COBLL1: variants seen among roughly 807,000 people sequenced by gnomAD.
The protein encoded by COBLL1 is cordon-bleu protein-like 1.
Under a neutral mutation model 94.8 loss-of-function variants are expected in COBLL1, and 50 were observed. That is an observed-to-expected ratio of 0.53 (90% CI 0.42 to 0.67). The LOEUF is 0.67. Ranked by LOEUF, COBLL1 falls within the 30% of genes least tolerant of loss-of-function variation. The pLI is 0.00. For synonymous variants in COBLL1, 448 were observed against 473.8 expected (o/e 0.95, Z 0.71); for missense variants, 1,362 against 1,348.7 (o/e 1.01, Z -0.15).
intron 1 of COBLL1, among the ~76,000 whole-genome samples, chr2:164,673,273 C>T (rs953245402): frequency 8.6e-5 from 13 of 152,000 alleles, no homozygotes; most frequent in Admixed American, 4.6e-4. Context: ...TTCACCTCTA[C>T]GGAAAGAATA....
intron 2 of COBLL1, among the ~76,000 whole-genome samples, chr2:164,796,725 A>AAAAAC (rs756287598): frequency 7.0e-6 from 1 of 143,746 alleles, no homozygotes. Flanking sequence ...AAAAAAAAAA[A>AAAAAC]AGGAGAGGGA....
chr2:164,785,350 C>T (rs1441760980), intron 2 of COBLL1, among the ~76,000 whole-genome samples: 2 of 152,150 alleles, frequency 1.3e-5, no homozygotes, highest in African/African-American at 4.8e-5. Flanking sequence ...GATTGCACTA[C>T]TGCACCTCAG....
chr2:164,736,070 C>G (rs1449813416), intron 3 of COBLL1, among the ~76,000 whole-genome samples: 1 of 151,920 alleles, frequency 6.6e-6, no homozygotes, highest in African/African-American at 2.4e-5. Context: ...TTTTAAGACT[C>G]TAAAAGCTCT....
At chr2:164,760,490 T>C (rs935457557) in intron 2 of COBLL1, among the ~76,000 whole-genome samples, 10 of 152,190 alleles carry the variant, frequency 6.6e-5, no homozygotes, top group African/African-American at 2.2e-4. Flanking sequence ...AATCTACACA[T>C]GTGGCAAAGT....
At chr2:164,769,172 T>C (rs1009336277) in intron 2 of COBLL1, among the ~76,000 whole-genome samples, 1 of 151,966 alleles carries the variant, frequency 6.6e-6, no homozygotes, top group Non-Finnish European at 1.5e-5. Flanking sequence ...GAAAAAAAAA[T>C]CTCGTTTCTT....
At chr2:164,673,464 C>T (rs1691281997) in intron 1 of COBLL1, among the ~76,000 whole-genome samples, 3 of 152,130 alleles carry the variant, frequency 2.0e-5, no homozygotes, top group Admixed American at 2.0e-4. Context: ...CACTTGAGAT[C>T]AGGAGCTTGA....
At chr2:164,687,257 T>A in intron 13 of COBLL1, 1 of 522,862 alleles carries the variant, frequency 1.9e-6, no homozygotes, top group Admixed American at 3.2e-5. Context: ...TTGGTTAGTA[T>A]TAAGAGGGGA....
At chr2:164,813,144 T>C (rs1203838142) in intron 2 of COBLL1, among the ~76,000 whole-genome samples, 2 of 152,108 alleles carry the variant, frequency 1.3e-5, no homozygotes, top group Non-Finnish European at 2.9e-5. Context: ...TGGATAGATA[T>C]GTGCAAAAAT....
chr2:164,758,948 AT>A lies in COBLL1; in HGVS notation c.42-15074del, dbSNP rs577720138. Among the ~76,000 whole-genome samples the A allele has an allele frequency of 5.9e-3, 881 of 150,504 alleles. 5 individuals are homozygous for A. Among genetic ancestry groups the A allele is most frequent in the Non-Finnish European group, 9.3e-3 (625 of 67,462 alleles). ...AAAGGAAGTTAAAAAGTTTTAGTTG[AT>A]TTTTTTTTTAAATTTCAAACACACA... On this transcript the variant is annotated intron_variant, in intron 2 of 13. Transcript: ENST00000652658.
rs188703579 is a variant in COBLL1 at position 164,702,772 on chromosome 2, G to A, written c.1225+1672C>T. Among the ~76,000 whole-genome samples the A allele has an allele frequency of 4.6e-5, 7 of 152,026 alleles. No individual in the cohort carries two copies. In the East Asian group the frequency reaches 1.2e-3, roughly 25 times the overall value. On this transcript the variant is annotated intron_variant, in intron 9 of 13. Coordinates refer to ENST00000652658, the MANE Select transcript of COBLL1 (RefSeq NM_001365672.2). ...GCAATCTTCCACCTCAGCCTCATGA[G>A]TAGCTGGTATTTTAAGTGTGAGCCA...
chr2:164,743,048 G>T (rs1158708423), intron 3 of COBLL1: 1 of 151,944 alleles, frequency 6.6e-6, no homozygotes, highest in East Asian at 1.9e-4. Flanking sequence ...TTTCGCAAAG[G>T]TATTTAAAAA....
At chr2:164,741,585 A>C (rs1187259162) in intron 3 of COBLL1, among the ~76,000 whole-genome samples, 1 of 152,112 alleles carries the variant, frequency 6.6e-6, no homozygotes. Context: ...TATTTCATTT[A>C]ATCATATTTA....
At position 164,757,053 on chromosome 2, in the gene COBLL1, T is replaced by G. The variant is rs181399739; in HGVS notation, c.42-13178A>C. Among the ~76,000 whole-genome samples the G allele has an allele frequency of 5.2e-3, 795 of 152,262 alleles. 12 individuals carry two copies. Among genetic ancestry groups the G allele is most frequent in the African/African-American group, 0.018 (734 of 41,560 alleles). ...CTACATTTAAGAAAATACTGAGGCC[T>G]AGGTGTCACTTTCAGAGATTCTGAT... On this transcript the variant is annotated intron_variant, in intron 2 of 13. Transcript: ENST00000652658.
chr2:164,666,804 C>A (rs1224935257), intron 1 of COBLL1, among the ~76,000 whole-genome samples: 1 of 152,208 alleles, frequency 6.6e-6, no homozygotes, highest in Non-Finnish European at 1.5e-5. Context: ...TCTTCAGGCT[C>A]CACTTCTAAT....
chr2:164,825,547 C>T (rs910716959), intron 2 of COBLL1, among the ~76,000 whole-genome samples: 5 of 152,138 alleles, frequency 3.3e-5, no homozygotes, highest in African/African-American at 1.2e-4. Flanking sequence ...TTTCTTCTTA[C>T]ATCAAAACTT....
intron 2 of COBLL1, among the ~76,000 whole-genome samples, chr2:164,771,745 A>T (rs916040764): frequency 6.6e-6 from 1 of 152,034 alleles, no homozygotes; most frequent in African/African-American, 2.4e-5. Flanking sequence ...ATTACTATCT[A>T]CTTTCCTTTG....
intron 2 of COBLL1, among the ~76,000 whole-genome samples, chr2:164,828,655 C>T (rs970146842): frequency 6.6e-6 from 1 of 152,200 alleles, no homozygotes; most frequent in African/African-American, 2.4e-5. Context: ...ACAGTAGCCA[C>T]TACACACATC....
intron 3 of COBLL1, among the ~76,000 whole-genome samples, chr2:164,741,646 C>G (rs1460533176): frequency 6.6e-6 from 1 of 151,828 alleles, no homozygotes; most frequent in Non-Finnish European, 1.5e-5. Flanking sequence ...AAAACTGCAG[C>G]AATTCAACAA....
At chr2:164,741,038 G>A (rs1686565402) in intron 3 of COBLL1, among the ~76,000 whole-genome samples, 2 of 152,102 alleles carry the variant, frequency 1.3e-5, no homozygotes, top group South Asian at 4.2e-4. Flanking sequence ...CACTTTGGGA[G>A]GCTGAGGTGG....
Sources: gnomAD v4.1 joint callset for allele counts (sites outside exome capture counted in the v4.1 genomes callset) on GRCh38, gnomAD v4.1.1 for gene constraint, MANE v1.5 for transcripts, NCBI Gene and HGNC (gene_info 2026-07-23, HGNC 2026-07-21) for gene names.